KAT14: variants seen among roughly 807,000 people sequenced by gnomAD.
KAT14 encodes lysine acetyltransferase 14.
In KAT14, 66 loss-of-function variants were observed where a neutral mutation model predicts 78.4. The observed-to-expected ratio is 0.84, with a 90% CI of 0.69 to 1.03. KAT14 has a LOEUF of 1.03. Among genes scored for constraint, KAT14 ranks in the 50% least tolerant of loss-of-function variants. KAT14 has a pLI of 0.00. For missense variants in KAT14, 870 were observed against 972.5 expected (o/e 0.89, Z 1.40); for synonymous variants, 344 against 359.4 (o/e 0.96, Z 0.48).
chr20:18,181,364 C>CTTTT lies in KAT14; in HGVS notation c.1669-327_1669-324dup, dbSNP rs762890490. ...ACCAATCCTCAGAGTAATTTTGTTT[C>CTTTT]TTTTTTTTTTTTTTTTTTTTTTGAG... On this transcript the variant is annotated intron_variant, in intron 7 of 10. Coordinates refer to ENST00000688188, the MANE Select transcript of KAT14 (RefSeq NM_001392073.1). 1.1e-3 allele frequency among the ~76,000 whole-genome samples: 117 copies of CTTTT among 106,794 alleles called. 1 individual carries two copies. The highest frequency in any genetic ancestry group is 1.3e-3 in the African/African-American group (34 of 27,062). 70.1% of individuals were successfully genotyped at this position (106,794 alleles called of 152,430 possible).
chr20:18,181,571 G>A (rs1012502282), intron 7 of KAT14, 139 bp from the exon 8 acceptor site: 155 of 1,303,692 alleles, frequency 1.2e-4, no homozygotes, highest in Admixed American at 3.2e-4. Flanking sequence ...GGGTTTTACC[G>A]TGTTAGCCAG....
chr20:18,184,849 G>A (rs923350328), intron 10 of KAT14, 57 bp downstream of exon 10: 3 of 1,523,364 alleles, frequency 2.0e-6, no homozygotes, highest in Middle Eastern at 1.9e-4. Flanking sequence ...TGAACAACCT[G>A]GAGGAGGAAT....
chr20:18,183,038 A>G, intron 8 of KAT14, 85 bp from the exon 9 acceptor site: 1 of 1,508,584 alleles, frequency 6.6e-7, no homozygotes, highest in Non-Finnish European at 8.9e-7. Context: ...CAAGCAGATC[A>G]AAGAGTTTAT....
chr20:18,172,649 C>G (rs1289259880), intron 7 of KAT14, among the ~76,000 whole-genome samples: 1 of 152,214 alleles, frequency 6.6e-6, no homozygotes, highest in Non-Finnish European at 1.5e-5. Context: ...TTGCAGTGGT[C>G]TGGCACTGAT....
chr20:18,162,154 A>G lies in KAT14; in HGVS notation c.1014A>G (p.Thr338=). 2.5e-6 allele frequency: 4 copies of G among 1,613,628 alleles called. No individual in the cohort carries two copies. The highest frequency in any genetic ancestry group is 3.4e-6 in the Non-Finnish European group (4 of 1,179,964). ...SPSLDFSAPG[T]PASHSATPSL... The stretch of plus-strand genomic sequence containing the variant: ...CTCTGGATTTCTCTGCCCCTGGTAC[A>G]CCTGCCTCTCATTCTGCCACACCTA... Residue 338 remains threonine (T), a synonymous_variant, in exon 6 of 11, where the codon ACA becomes ACG. Coordinates refer to ENST00000688188, the MANE Select transcript of KAT14 (RefSeq NM_001392073.1).
chr20:18,176,973 G>A (rs763895765), intron 7 of KAT14, among the ~76,000 whole-genome samples: 1 of 152,168 alleles, frequency 6.6e-6, no homozygotes, highest in Non-Finnish European at 1.5e-5. Context: ...TTAGGGAGCT[G>A]TATAACTTTG....
At position 18,160,906 on chromosome 20, in the gene KAT14, G is replaced by A. The variant is rs941522316; in HGVS notation, c.683-917G>A. Among the ~76,000 whole-genome samples, 148 of 152,242 alleles carry A rather than the reference G, an allele frequency of 9.7e-4. 1 individual carries two copies. Among genetic ancestry groups the A allele is most frequent in the Non-Finnish European group, 1.0e-3 (70 of 68,018 alleles). Reference sequence around the variant, plus strand: ...AAACTGTAATAAGGCCGGGCATGGTGGCTCATGCCTGTAATCCCAGTACTT... The same window carrying A: ...AAACTGTAATAAGGCCGGGCATGGTAGCTCATGCCTGTAATCCCAGTACTT... On this transcript the variant is annotated intron_variant, in intron 5 of 10. Transcript: ENST00000688188.
At chr20:18,172,556 C>T (rs1191848608) in intron 7 of KAT14, among the ~76,000 whole-genome samples, 1 of 152,278 alleles carries the variant, frequency 6.6e-6, no homozygotes, top group Admixed American at 6.5e-5. Context: ...CATGAGCCAC[C>T]ACACCCAGCC....
chr20:18,147,751 A>ATT (rs1391570218), intron 3 of KAT14, among the ~76,000 whole-genome samples: 1 of 151,860 alleles, frequency 6.6e-6, no homozygotes, highest in African/African-American at 2.4e-5. Flanking sequence ...TGCCTGGCTA[A>ATT]TTTTTTGTAT....
chr20:18,150,006 A>G (rs534636743), intron 3 of KAT14, among the ~76,000 whole-genome samples: 1 of 152,344 alleles, frequency 6.6e-6, no homozygotes, highest in South Asian at 2.1e-4. Flanking sequence ...CTGAGTATAG[A>G]TGCAAAGAAA....
intron 3 of KAT14, among the ~76,000 whole-genome samples, 180 bp from the exon 4 acceptor site, chr20:18,150,641 C>T (rs982365332): frequency 5.3e-5 from 8 of 152,062 alleles, no homozygotes; most frequent in South Asian, 2.1e-4. Context: ...GATAATCTAA[C>T]GAAAGTAAAA....
intron 7 of KAT14, among the ~76,000 whole-genome samples, chr20:18,171,624 C>T (rs1215665446): frequency 1.3e-5 from 2 of 152,074 alleles, no homozygotes; most frequent in Non-Finnish European, 2.9e-5. Flanking sequence ...CCAGCCTGGC[C>T]AACATAGTGA....
chr20:18,177,375 C>G (rs1196568673), intron 7 of KAT14, among the ~76,000 whole-genome samples: 1 of 152,180 alleles, frequency 6.6e-6, no homozygotes, highest in Non-Finnish European at 1.5e-5. Context: ...TCAAAAGTCC[C>G]AGAAAGTTAT....
At chr20:18,187,163 C>A in intron 10 of KAT14, 123 bp from the exon 11 acceptor site, 1 of 1,290,998 alleles carries the variant, frequency 7.7e-7, no homozygotes, top group Non-Finnish European at 1.0e-6. Context: ...AATGTCTCAG[C>A]CTCAGTCTCT....
intron 5 of KAT14, among the ~76,000 whole-genome samples, chr20:18,161,213 A>G (rs1299136467): frequency 1.3e-5 from 2 of 151,386 alleles, no homozygotes; most frequent in Non-Finnish European, 2.9e-5. Flanking sequence ...GCCCATGAAA[A>G]TGCCCATTTC....
rs138953152 is a variant in KAT14 at position 18,148,349 on chromosome 20, G to A, written c.379-2472G>A. ...ACTCCTGTGAATAGCAGTTCCATAC[G>A]TAGGAGAAACTTTATCAAACATTTG... On this transcript the variant is annotated intron_variant, in intron 3 of 10. Coordinates refer to ENST00000688188, the MANE Select transcript of KAT14 (RefSeq NM_001392073.1). Among the ~76,000 whole-genome samples the A allele has an allele frequency of 1.2e-4, 18 of 152,270 alleles. No individual in the cohort carries two copies. The East Asian group carries it at 3.3e-3, about 28-fold the overall frequency.
intron 9 of KAT14, 87 bp from the exon 10 acceptor site, chr20:18,184,515 G>A: frequency 3.3e-6 from 3 of 921,454 alleles, no homozygotes; most frequent in South Asian, 1.9e-5. Flanking sequence ...GCATGCAGGT[G>A]TAGCTATATG....
At chr20:18,185,602 C>T (rs1181822172) in intron 10 of KAT14, among the ~76,000 whole-genome samples, 3 of 152,100 alleles carry the variant, frequency 2.0e-5, no homozygotes, top group Non-Finnish European at 4.4e-5. Context: ...ATAATTCATC[C>T]TTTAATATAT....
intron 7 of KAT14, among the ~76,000 whole-genome samples, chr20:18,175,883 G>A (rs150210239): frequency 6.6e-6 from 1 of 151,656 alleles, no homozygotes; most frequent in Non-Finnish European, 1.5e-5. Context: ...TTAGCCAGGT[G>A]TGGTGACATG....
Sources: gnomAD v4.1 joint callset for allele counts (sites outside exome capture counted in the v4.1 genomes callset) on GRCh38, gnomAD v4.1.1 for gene constraint, MANE v1.5 for transcripts, NCBI Gene and HGNC (gene_info 2026-07-23, HGNC 2026-07-21) for gene names.